The following GALNT15 variants were observed in gnomAD, a reference collection of about 807,000 sequenced individuals.
The protein encoded by GALNT15 is UDP-GalNAc transferase T15.
GALNT15 carries 67 observed loss-of-function variants against 66.8 expected under a neutral mutation model. That is an observed-to-expected ratio of 1.00 (90% CI 0.82 to 1.23). The LOEUF (loss-of-function observed/expected upper bound fraction) is 1.23. GALNT15 is among the 50% of genes most tolerant of loss of function. The pLI, the probability that GALNT15 is intolerant of heterozygous loss-of-function variation, is 0.00. For synonymous variants in GALNT15, 313 were observed against 311.5 expected (o/e 1.00, Z -0.05); for missense variants, 827 against 804.3 (o/e 1.03, Z -0.34).
chr3:16,211,079 C>A lies in GALNT15; in HGVS notation c.1080-45C>A. On this transcript the variant is annotated intron_variant, in intron 4 of 9. Transcript: ENST00000339732. This position sits in a 1 kb window ranked among gnomAD's most constrained non-coding sequence, Gnocchi z 4.3. ...CCAGCCCCCAGCCTCGCCTGCTGTG[C>A]TCTGGGTTCTGAACTGCAGTGTCCT... is the stretch of plus-strand genomic sequence containing the variant. 1 of 1,427,548 alleles carries A rather than the reference C, an allele frequency of 7.0e-7. No individual in the cohort carries two copies. The highest frequency in any genetic ancestry group is 9.9e-7 in the Non-Finnish European group (1 of 1,011,524). 88.4% of individuals were successfully genotyped at this position (1,427,548 alleles called of 1,614,324 possible). A position where few individuals can be genotyped will look rare whatever the true frequency, so the allele number is the denominator to read the frequency against.
At chr3:16,241,908 A>T in the GALNT15 span, among the ~76,000 whole-genome samples, 1 of 152,164 alleles carries the variant, frequency 6.6e-6, no homozygotes, top group Non-Finnish European at 1.5e-5. This position sits in a 1 kb window ranked among gnomAD's most constrained non-coding sequence, Gnocchi z 4.6. Context: ...ATGGGGCTCT[A>T]ACTGGTGTCA....
intron 1 of GALNT15, among the ~76,000 whole-genome samples, chr3:16,178,779 C>A (rs938659886): frequency 1.3e-5 from 2 of 152,228 alleles, no homozygotes; most frequent in Non-Finnish European, 2.9e-5. Context: ...CTGCAGTATG[C>A]GGGCCCTGCA....
intron 3 of GALNT15, among the ~76,000 whole-genome samples, chr3:16,206,671 TAAA>T (rs1170870767): frequency 6.7e-5 from 4 of 60,022 alleles, no homozygotes; most frequent in Admixed American, 2.1e-4. Flanking sequence ...AGACTCTGTC[TAAA>T]AAAAAAAAAA....
chr3:16,212,611 C>T lies in GALNT15; in HGVS notation c.1240C>T (p.Arg414Trp), dbSNP rs776688286. 14 of 1,613,870 alleles carry T rather than the reference C, an allele frequency of 8.7e-6. No individual in the cohort carries two copies. The highest frequency in any genetic ancestry group is 4.0e-5 in the African/African-American group (3 of 74,892). Residue 414 changes from arginine to tryptophan, a missense_variant, in exon 6 of 10, where the codon CGG becomes TGG. Physicochemically the swap from Arg to Trp is moderately radical, Grantham distance 101 (BLOSUM62 -3). Transcript: ENST00000339732. ...GGSVEILPCS[R>W]VGHIYQNQDS... The stretch of plus-strand genomic sequence containing the variant: ...CTCTGTTGAAATCCTTCCCTGCTCT[C>T]GGGTAGGACACATCTACCAAAATCA...
In GALNT15 at chr3:16,209,486, C is replaced by T. The variant is rs1375502314; in HGVS notation, c.1079+816C>T. ...AGTTCATTATTCACAATTGCAAAAT[C>T]CAAAAAGCTCTAAAAACCAAACATT... On this transcript the variant is annotated intron_variant, in intron 4 of 9. Coordinates refer to ENST00000339732, the MANE Select transcript of GALNT15 (RefSeq NM_054110.5). This position sits in a 1 kb window ranked among gnomAD's most constrained non-coding sequence, Gnocchi z 4.1. 6.6e-6 allele frequency among the ~76,000 whole-genome samples: 1 copy of T among 152,170 alleles called. No individual in the cohort carries two copies.
intron 6 of GALNT15, among the ~76,000 whole-genome samples, chr3:16,215,147 G>C (rs2063857988): frequency 6.6e-6 from 1 of 152,236 alleles, no homozygotes; most frequent in African/African-American, 2.4e-5. Flanking sequence ...TAATGCAACA[G>C]CATGCAAATT....
chr3:16,207,012 G>A (rs1417363882), intron 3 of GALNT15, among the ~76,000 whole-genome samples: 3 of 152,122 alleles, frequency 2.0e-5, no homozygotes, highest in Admixed American at 2.0e-4. Flanking sequence ...CCCAAAATAG[G>A]GGAAACCCAG....
chr3:16,201,306 C>A (rs949285688), intron 3 of GALNT15, among the ~76,000 whole-genome samples: 1 of 152,084 alleles, frequency 6.6e-6, no homozygotes, highest in Non-Finnish European at 1.5e-5. Flanking sequence ...TTCAGCCTCC[C>A]GAGTAGCTGG....
At chr3:16,177,629 A>G (rs1173849847) in intron 1 of GALNT15, among the ~76,000 whole-genome samples, 1 of 152,230 alleles carries the variant, frequency 6.6e-6, no homozygotes, top group African/African-American at 2.4e-5. Flanking sequence ...GTTAATGTGC[A>G]TGTATTATGT....
Position 16,209,818 on chromosome 3 carries a change from T to C in GALNT15, c.1079+1148T>C, listed in dbSNP as rs2063794786. ...GCCTGGGTGACAGAGCAAGATTCTG[T>C]CTCAAAAACAAAAAACAAAAACAAA... On this transcript the variant is annotated intron_variant, in intron 4 of 9. Coordinates refer to ENST00000339732, the MANE Select transcript of GALNT15 (RefSeq NM_054110.5). This position sits in a 1 kb window ranked among gnomAD's most constrained non-coding sequence, Gnocchi z 4.1. Among the ~76,000 whole-genome samples the C allele has an allele frequency of 1.3e-5, 2 of 152,150 alleles. 1 individual carries two copies. The highest frequency in any genetic ancestry group is 4.1e-4 in the South Asian group (2 of 4,824).
At chr3:16,233,477 A>G (rs569044505), downstream of GALNT15, among the ~76,000 whole-genome samples, 3 of 151,886 alleles carry the variant, frequency 2.0e-5, no homozygotes, top group Admixed American at 6.6e-5. Flanking sequence ...CCTCTTTCCC[A>G]TTCTGTCCAC....
chr3:16,194,376 G>A (rs1399951510), intron 1 of GALNT15, among the ~76,000 whole-genome samples: 3 of 152,120 alleles, frequency 2.0e-5, no homozygotes, highest in Admixed American at 2.0e-4. Flanking sequence ...TCTTTTTAAT[G>A]GGGCTGTTTG....
Position 16,204,712 on chromosome 3 carries a change from A to G in GALNT15, c.912-3791A>G, listed in dbSNP as rs1254368323. On this transcript the variant is annotated intron_variant, in intron 3 of 9. Coordinates refer to ENST00000339732, the MANE Select transcript of GALNT15 (RefSeq NM_054110.5). This position sits in a 1 kb window ranked among gnomAD's most constrained non-coding sequence, Gnocchi z 4.5. ...ATCATCTCAAGAAGCTGAACAAGTT[A>G]TCTCTTACTTGAAAATGGGTCTGGT... Among the ~76,000 whole-genome samples the G allele has an allele frequency of 6.6e-6, 1 of 152,196 alleles. No homozygotes were observed. Among genetic ancestry groups the G allele is most frequent in the African/African-American group, 2.4e-5 (1 of 41,444 alleles).
At chr3:16,197,481 AC>A (rs2063651197) in intron 2 of GALNT15, among the ~76,000 whole-genome samples, 1 of 152,172 alleles carries the variant, frequency 6.6e-6, no homozygotes, top group Non-Finnish European at 1.5e-5. Context: ...CCAGACAAGC[AC>A]CACCCTGCAC....
rs894015828 is a variant in GALNT15 at position 16,224,062 on chromosome 3, C to G, written c.1773+1304C>G. On this transcript the variant is annotated intron_variant, in intron 9 of 9. Coordinates refer to ENST00000339732, the MANE Select transcript of GALNT15 (RefSeq NM_054110.5). This position sits in a 1 kb window ranked among gnomAD's most constrained non-coding sequence, Gnocchi z 5.2. ...CATAAAGTATTTTTCTAAGCAAGTC[C>G]TATGAATAAGATATACTTTAGAAAC... Among the ~76,000 whole-genome samples, 3 of 151,808 alleles carry G rather than the reference C, an allele frequency of 2.0e-5. No homozygotes were observed. Among genetic ancestry groups the G allele is most frequent in the African/African-American group, 7.3e-5 (3 of 41,306 alleles).
the GALNT15 span, among the ~76,000 whole-genome samples, chr3:16,239,179 C>T: frequency 6.6e-6 from 1 of 152,262 alleles, no homozygotes; most frequent in South Asian, 2.1e-4. This position sits in a 1 kb window ranked among gnomAD's most constrained non-coding sequence, Gnocchi z 5.2. Context: ...TTCCCAGAAG[C>T]CCCCCAGCAG....
At position 16,212,647 on chromosome 3, in the gene GALNT15, T is replaced by TC. The variant is rs757268666; in HGVS notation, c.1282dup (p.Leu428ProfsTer15). ...CATCTACCAAAATCAGGATTCCCAT[T>TC]CCCCCCTCGACCAGGAGGCCACCCT... On this transcript the variant is annotated frameshift_variant, in exon 6 of 10. Coordinates refer to ENST00000339732, the MANE Select transcript of GALNT15 (RefSeq NM_054110.5). LOFTEE classifies it high-confidence loss of function. 3 of 1,613,142 alleles carry TC rather than the reference T, an allele frequency of 1.9e-6. No individual in the cohort carries two copies. Among genetic ancestry groups the TC allele is most frequent in the East Asian group, 2.2e-5 (1 of 44,850 alleles).
At position 16,200,210 on chromosome 3, in the gene GALNT15, C is replaced by T. The variant is rs555280734; in HGVS notation, c.707-409C>T. Among the ~76,000 whole-genome samples the T allele has an allele frequency of 2.0e-5, 3 of 152,162 alleles. No homozygotes were observed. In the South Asian group the frequency reaches 6.2e-4, roughly 32 times the overall value. ...CACGAGAACAGCATGGGGGAAACTG[C>T]CCACATGATCCAATCACCTCCCACC... On this transcript the variant is annotated intron_variant, in intron 2 of 9. Transcript: ENST00000339732. The surrounding 1 kb of genome is among the most constrained non-coding windows in gnomAD (Gnocchi z 4.4).
Position 16,175,948 on chromosome 3 carries a change from T to G in GALNT15, c.539+258T>G, listed in dbSNP as rs1318444961. Among the ~76,000 whole-genome samples, 1 of 152,222 alleles carries G rather than the reference T, an allele frequency of 6.6e-6. No individual in the cohort carries two copies. Among genetic ancestry groups the G allele is most frequent in the Admixed American group, 6.5e-5 (1 of 15,284 alleles). On this transcript the variant is annotated intron_variant, in intron 1 of 9. Coordinates refer to ENST00000339732, the MANE Select transcript of GALNT15 (RefSeq NM_054110.5). The surrounding 1 kb of genome is among the most constrained non-coding windows in gnomAD (Gnocchi z 5.6). ...CCAGTGGTCTGTATGAACAAGCCCT[T>G]CAGGTGAGAATCATTGTCCTAGAAA...
Sources: gnomAD v4.1 joint callset for allele counts (sites outside exome capture counted in the v4.1 genomes callset) on GRCh38, gnomAD v4.1.1 for gene constraint, Gnocchi (gnomAD v3.1) non-coding constraint, MANE v1.5 for transcripts, NCBI Gene and HGNC (gene_info 2026-07-23, HGNC 2026-07-21) for gene names.